The following ENPP6 variants were observed in gnomAD, a reference collection of about 807,000 sequenced individuals.
The protein encoded by ENPP6 is ectonucleotide pyrophosphatase/phosphodiesterase 6.
ENPP6 carries 32 observed loss-of-function variants against 42.0 expected under a neutral mutation model. The ratio of observed to expected loss-of-function variants is 0.76; its 90% CI spans 0.58 to 1.02. The LOEUF is 1.02. ENPP6 is among the 50% of genes least tolerant of loss of function. ENPP6 has a pLI of 0.00. For synonymous variants in ENPP6, 213 were observed against 216.0 expected (o/e 0.99, Z 0.12); for missense variants, 552 against 566.8 (o/e 0.97, Z 0.27).
chr4:184,101,159 ATGTG>A (rs1184131996), intron 6 of ENPP6, among the ~76,000 whole-genome samples: 10 of 151,596 alleles, frequency 6.6e-5, no homozygotes, highest in Admixed American at 3.3e-4. Context: ...GTGTGTGTGA[ATGTG>A]TGTGTGCATG....
At chr4:184,120,817 C>T (rs33990515) in intron 3 of ENPP6, among the ~76,000 whole-genome samples, 61,654 of 152,066 alleles carry the variant, frequency 0.41, 14,225 homozygotes, top group Non-Finnish European at 0.53. Flanking sequence ...TGCAAAGAGG[C>T]GCGTCTGGAC....
chr4:184,091,178 TA>T lies in ENPP6; in HGVS notation c.1321del (p.Ter441AsnfsTer2). 6.5e-7 allele frequency: 1 copy of T among 1,545,702 alleles called. No individual in the cohort carries two copies. The highest frequency in any genetic ancestry group is 8.7e-7 in the Non-Finnish European group (1 of 1,145,394). The stretch of plus-strand genomic sequence containing the variant: ...TTCTGAGACAAGCAATATGATCAGT[TA>T]TGCAAGCAGGAAGAGAAGAATCAGT... ...LALILLFLLA[*>X] On this transcript the variant is annotated frameshift_variant and stop_lost, in exon 8 of 8. Coordinates refer to ENST00000296741, the MANE Select transcript of ENPP6 (RefSeq NM_153343.4). LOFTEE classifies it high-confidence loss of function.
intron 1 of ENPP6, among the ~76,000 whole-genome samples, chr4:184,164,029 G>A (rs573621391): frequency 8.5e-5 from 13 of 152,314 alleles, no homozygotes; most frequent in East Asian, 3.9e-4. Context: ...TTATAACAAC[G>A]TGTGACAGCA....
chr4:184,117,709 CAG>C (rs756877237), intron 4 of ENPP6, 48 bp downstream of exon 4: 41 of 1,601,442 alleles, frequency 2.6e-5, no homozygotes, highest in Non-Finnish European at 3.2e-5. Context: ...AGGAGACAAA[CAG>C]AGGGTGACAG....
chr4:184,201,450 C>T (rs1324762746), intron 1 of ENPP6, among the ~76,000 whole-genome samples: 2 of 152,078 alleles, frequency 1.3e-5, no homozygotes, highest in African/African-American at 2.4e-5. Flanking sequence ...GTGTGTAGAC[C>T]GCAGTGGCTC....
chr4:184,165,543 A>G (rs1227453312), intron 1 of ENPP6, among the ~76,000 whole-genome samples: 1 of 152,230 alleles, frequency 6.6e-6, no homozygotes, highest in African/African-American at 2.4e-5. Flanking sequence ...CTCTCAGCAA[A>G]GTAACCACAT....
intron 1 of ENPP6, among the ~76,000 whole-genome samples, chr4:184,181,971 C>T (rs563510293): frequency 2.0e-4 from 31 of 152,126 alleles, no homozygotes; most frequent in Admixed American, 9.8e-4. Context: ...ATGATGAAAA[C>T]GTCAAAAGCA....
At chr4:184,176,459 G>A (rs73007890) in intron 1 of ENPP6, among the ~76,000 whole-genome samples, 7,547 of 152,210 alleles carry the variant, frequency 0.05, 562 homozygotes, top group African/African-American at 0.17. Context: ...TGGGGAGGGC[G>A]GTGAGGTGTG....
Position 184,113,899 on chromosome 4 carries a change from T to TTTTCTTTCTTTCTTTCTTTCTC in ENPP6, c.856-1091_856-1090insGAGAAAGAAAGAAAGAAAGAAA, listed in dbSNP as rs1736257664. On this transcript the variant is annotated intron_variant, in intron 5 of 7. Transcript: ENST00000296741. ...TCTTTCTTTTTCCTTCCTTTCTTTC[T>TTTTCTTTCTTTCTTTCTTTCTC]TTTCTTTCTTTCTTTCTTTCTTTCT... is the stretch of plus-strand genomic sequence containing the variant. Among the ~76,000 whole-genome samples, 20 of 103,626 alleles carry TTTTCTTTCTTTCTTTCTTTCTC rather than the reference T, an allele frequency of 1.9e-4. No individual in the cohort carries two copies. In the Admixed American group the frequency reaches 2.2e-3, roughly 11 times the overall value. 68.0% of individuals were successfully genotyped at this position (103,626 alleles called of 152,430 possible). A position where few individuals can be genotyped will look rare whatever the true frequency, so the allele number is the denominator to read the frequency against.
chr4:184,188,262 T>C (rs1732664797), intron 1 of ENPP6, among the ~76,000 whole-genome samples: 1 of 152,204 alleles, frequency 6.6e-6, no homozygotes, highest in African/African-American at 2.4e-5. Flanking sequence ...CCTTTCCCAG[T>C]CGTTTCTCTT....
At chr4:184,131,070 A>T (rs1736602085) in intron 2 of ENPP6, among the ~76,000 whole-genome samples, 1 of 152,234 alleles carries the variant, frequency 6.6e-6, no homozygotes. Context: ...GAACGTATAC[A>T]GTCAACTTTA....
At chr4:184,204,264 T>G (rs1000452541) in intron 1 of ENPP6, 1 of 152,170 alleles carries the variant, frequency 6.6e-6, no homozygotes, top group African/African-American at 2.4e-5. Context: ...CACATGGGTT[T>G]TGGGGGTGTA....
chr4:184,199,184 C>T (rs570779144), intron 1 of ENPP6, among the ~76,000 whole-genome samples: 23 of 152,358 alleles, frequency 1.5e-4, no homozygotes, highest in South Asian at 6.2e-4. Context: ...CTGCTGGAGC[C>T]GAGGCGTCTT....
rs531713600 is a variant in ENPP6, at chr4:184,104,741, TAGTC to T, written c.994-7377_994-7374del. Reference sequence around the variant, plus strand: ...ACCAAGTGAACAATCTGTCAATAAGTAGTCAGGAATCAACTGTCTCAATATTTAA... The same window carrying T: ...ACCAAGTGAACAATCTGTCAATAAGTAGGAATCAACTGTCTCAATATTTAA... On this transcript the variant is annotated intron_variant, in intron 6 of 7. Coordinates refer to ENST00000296741, the MANE Select transcript of ENPP6 (RefSeq NM_153343.4). Among the ~76,000 whole-genome samples, 114 of 152,354 alleles carry T rather than the reference TAGTC, an allele frequency of 7.5e-4. No homozygotes were observed. In the Middle Eastern group the frequency reaches 0.024, roughly 32 times the overall value.
At chr4:184,162,547 A>AGAGGGAGGGAGG (rs1553998037) in intron 1 of ENPP6, among the ~76,000 whole-genome samples, 9 of 34,524 alleles carry the variant, frequency 2.6e-4, no homozygotes, top group Non-Finnish European at 1.2e-3. Flanking sequence ...GAGGGAGGGA[A>AGAGGGAGGGAGG]GAAGGAAGGA....
intron 2 of ENPP6, among the ~76,000 whole-genome samples, chr4:184,133,498 A>T (rs188102455): frequency 1.8e-4 from 28 of 152,236 alleles, no homozygotes; most frequent in African/African-American, 6.3e-4. Flanking sequence ...TTAATTCTAA[A>T]AGTGAATTCT....
chr4:184,148,940 C>T (rs917220006), intron 2 of ENPP6, among the ~76,000 whole-genome samples: 3 of 152,180 alleles, frequency 2.0e-5, no homozygotes, highest in Admixed American at 2.0e-4. Flanking sequence ...TCTGGAAAGA[C>T]GTTTACAGTT....
At chr4:184,207,396 G>C (rs1045185177) in intron 1 of ENPP6, among the ~76,000 whole-genome samples, 1 of 152,182 alleles carries the variant, frequency 6.6e-6, no homozygotes, top group South Asian at 2.1e-4. Flanking sequence ...CCATGACCTG[G>C]ATTGAACAAA....
chr4:184,172,042 G>A (rs1260137649), intron 1 of ENPP6, among the ~76,000 whole-genome samples: 2 of 152,140 alleles, frequency 1.3e-5, no homozygotes, highest in African/African-American at 4.8e-5. Flanking sequence ...GTGGTGAGAT[G>A]ACGCTTGAGT....
Sources: gnomAD v4.1 joint callset for allele counts (sites outside exome capture counted in the v4.1 genomes callset) on GRCh38, gnomAD v4.1.1 for gene constraint, MANE v1.5 for transcripts, NCBI Gene and HGNC (gene_info 2026-07-23, HGNC 2026-07-21) for gene names.